Variants in SYT10 observed in about 807,000 individuals in gnomAD.
The protein encoded by SYT10 is synaptotagmin 10, also known as synaptotagmin-10.
SYT10 carries 31 observed loss-of-function variants against 51.1 expected under a neutral mutation model. That is an observed-to-expected ratio of 0.61 (90% CI 0.46 to 0.82). SYT10 has a LOEUF of 0.82. Ranked by LOEUF, SYT10 falls within the 40% of genes least tolerant of loss-of-function variation. The pLI is 0.00. For missense variants in SYT10, 603 were observed against 634.0 expected, an observed-to-expected ratio of 0.95 and a Z score of 0.53; for synonymous variants, 233 against 225.9, an observed-to-expected ratio of 1.03 and a Z score of -0.28.
At chr12:33,387,239 T>G (rs1866164591) in intron 3 of SYT10, among the ~76,000 whole-genome samples, 2 of 152,188 alleles carry the variant, frequency 1.3e-5, no homozygotes, top group South Asian at 4.1e-4. Flanking sequence ...GACCAGTAAT[T>G]CAGAGAAAAA....
At chr12:33,420,406 G>A (rs1187190979) in intron 2 of SYT10, among the ~76,000 whole-genome samples, 1 of 152,056 alleles carries the variant, frequency 6.6e-6, no homozygotes, top group Admixed American at 6.6e-5. Context: ...TAGAAGACTA[G>A]GAGGCTGAGG....
At chr12:33,384,602 T>A (rs1456049838) in intron 4 of SYT10, among the ~76,000 whole-genome samples, 2 of 152,248 alleles carry the variant, frequency 1.3e-5, no homozygotes, top group Non-Finnish European at 2.9e-5. Flanking sequence ...TGTATCTTTA[T>A]CTTTTTGTCA....
In SYT10 at chr12:33,387,747, G is replaced by GTT. The variant is rs34524429; in HGVS notation, c.1078-2458_1078-2457dup. On this transcript the variant is annotated intron_variant, in intron 3 of 6. Transcript: ENST00000228567. ...AACACCCTTCTCTTCCTTCTAACATGTTTTTTTTTTTTTTTTTTGAGACAG... is the reference window on the plus strand; with the variant it reads ...AACACCCTTCTCTTCCTTCTAACATGTTTTTTTTTTTTTTTTTTTTGAGACAG... 4.2e-3 allele frequency among the ~76,000 whole-genome samples: 516 copies of GTT among 122,648 alleles called. 15 individuals carry two copies. The highest frequency in any genetic ancestry group is 0.014 in the Middle Eastern group (3 of 222). The allele number at this position is 122,648 out of a possible 152,430, so 80.5% of individuals were successfully genotyped here. A position where few individuals can be genotyped will look rare whatever the true frequency, so the allele number is the denominator to read the frequency against.
chr12:33,399,288 C>T (rs920686294), intron 3 of SYT10, among the ~76,000 whole-genome samples: 4 of 152,196 alleles, frequency 2.6e-5, no homozygotes, highest in African/African-American at 9.7e-5. Flanking sequence ...CCCAGCAACT[C>T]TAGATTTATC....
At chr12:33,415,612 A>C (rs1174604825) in intron 2 of SYT10, among the ~76,000 whole-genome samples, 5 of 152,230 alleles carry the variant, frequency 3.3e-5, no homozygotes, top group Non-Finnish European at 7.3e-5. Context: ...TTTAAAAGAA[A>C]TTTATCTCTA....
chr12:33,413,322 A>C (rs1028744512), intron 2 of SYT10, among the ~76,000 whole-genome samples: 27 of 152,174 alleles, frequency 1.8e-4, no homozygotes, highest in Non-Finnish European at 2.9e-4. Flanking sequence ...AAATTCAGGA[A>C]ATACTGAGAA....
chr12:33,421,846 G>A (rs1297474811), intron 2 of SYT10, among the ~76,000 whole-genome samples: 2 of 152,058 alleles, frequency 1.3e-5, no homozygotes, highest in African/African-American at 4.8e-5. Context: ...AGATCTTGTA[G>A]TACATAAAAA....
In SYT10 at chr12:33,439,360, C is replaced by G; in HGVS notation, c.151+12G>C. The G allele has an allele frequency of 6.2e-7, 1 of 1,609,406 alleles. No individual in the cohort carries two copies. Among genetic ancestry groups the G allele is most frequent in the Non-Finnish European group, 8.5e-7 (1 of 1,178,016 alleles). ...CGGAGCGCGAGGACGCGAGCGGAGC[C>G]CTCCCGGTTACCTGTGCTGCTTCCG... On this transcript the variant is annotated intron_variant, in intron 1 of 6. Coordinates refer to ENST00000228567, the MANE Select transcript of SYT10 (RefSeq NM_198992.4).
Position 33,393,890 on chromosome 12 carries a change from C to T in SYT10, c.1078-8599G>A, listed in dbSNP as rs149302743. Among the ~76,000 whole-genome samples the T allele has an allele frequency of 3.1e-3, 478 of 152,228 alleles. 3 individuals carry two copies. The highest frequency in any genetic ancestry group is 0.011 in the African/African-American group (461 of 41,530). On this transcript the variant is annotated intron_variant, in intron 3 of 6. Transcript: ENST00000228567. ...TCATTCATGTGCATATTGTATATTT[C>T]CTTCATTATTATCTGTCTTCTTTTC...
chr12:33,397,019 C>A (rs534781503), intron 3 of SYT10, among the ~76,000 whole-genome samples: 1 of 152,292 alleles, frequency 6.6e-6, no homozygotes, highest in Non-Finnish European at 1.5e-5. Context: ...ACGGCTCTTT[C>A]TAACTTTCTG....
Position 33,439,379 on chromosome 12 carries a change from G to A in SYT10, c.144C>T (p.Ser48=), listed in dbSNP as rs1360653824. 1 of 1,613,320 alleles carries A rather than the reference G, an allele frequency of 6.2e-7. No homozygotes were observed. The highest frequency in any genetic ancestry group is 1.7e-5 in the Admixed American group (1 of 59,998). The change falls in exon 1 of 7, where the codon AGC becomes AGT. Residue 48 remains serine, a synonymous_variant. Transcript: ENST00000228567. ...FPRDRGSQGG[S]STDISVSLLA... Reference sequence around the variant, plus strand: ...CGGAGCCCTCCCGGTTACCTGTGCTGCTTCCGCCCTGGCTGCCCCTGTCCC... The same window carrying A: ...CGGAGCCCTCCCGGTTACCTGTGCTACTTCCGCCCTGGCTGCCCCTGTCCC...
intron 3 of SYT10, among the ~76,000 whole-genome samples, chr12:33,394,949 G>A (rs539353134): frequency 5.9e-5 from 9 of 152,234 alleles, no homozygotes; most frequent in Admixed American, 2.6e-4. Flanking sequence ...TTAGCCGGGC[G>A]TGGTGGTGGG....
rs1866083786 is a variant in SYT10, at chr12:33,378,393, C to T, written c.1500+1439G>A. ...GTCATAAAGCACCTTTCTCTCATTC[C>T]TTGAGAGTTCTTGCTCACATTATCT... On this transcript the variant is annotated intron_variant, in intron 6 of 6. Transcript: ENST00000228567. Among the ~76,000 whole-genome samples, 3 of 152,144 alleles carry T rather than the reference C, an allele frequency of 2.0e-5. No individual in the cohort carries two copies. The South Asian group carries it at 6.2e-4, about 31-fold the overall frequency.
rs769924490 is a variant in SYT10, at chr12:33,426,509, A to C, written c.152-14T>G. The C allele has an allele frequency of 1.4e-5, 21 of 1,529,800 alleles. No homozygotes were observed. The highest frequency in any genetic ancestry group is 2.8e-5 in the African/African-American group (2 of 71,150). The allele number at this position is 1,529,800 out of a possible 1,614,324, so 94.8% of individuals were successfully genotyped here. On this transcript the variant is annotated splice_polypyrimidine_tract_variant and intron_variant, in intron 1 of 6. Transcript: ENST00000228567. The stretch of plus-strand genomic sequence containing the variant: ...TGACTGAAATATCTGGAAAAATTAC[A>C]ATGTAAAAATGATTAATTAATATTG...
At chr12:33,414,154 C>A (rs71432420) in intron 2 of SYT10, among the ~76,000 whole-genome samples, 1 of 152,128 alleles carries the variant, frequency 6.6e-6, no homozygotes, top group Non-Finnish European at 1.5e-5. Context: ...TATATATGCA[C>A]CCAATACAGG....
chr12:33,425,804 A>G (rs1232617069), intron 2 of SYT10, among the ~76,000 whole-genome samples: 3 of 152,198 alleles, frequency 2.0e-5, no homozygotes, highest in African/African-American at 7.2e-5. Context: ...AGTAGCAGCT[A>G]TCAACTAATG....
intron 3 of SYT10, among the ~76,000 whole-genome samples, chr12:33,387,256 T>A (rs1372907133): frequency 1.3e-5 from 2 of 152,214 alleles, no homozygotes; most frequent in African/African-American, 4.8e-5. Context: ...AAAAACTAAT[T>A]AAATTTGTGT....
rs11052670 is a variant in SYT10, at chr12:33,385,244, C to T, written c.1125G>A (p.Pro375=). ...GEIMFSLCYL[P]TAGRMTLTVI... ...CTGTCAATGTCATACGCCCAGCCGT[C>T]GGTAGGTAACAAAGGGAAAACATGA... The change falls in exon 4 of 7, where the codon CCG becomes CCA. Residue 375 remains proline, a synonymous_variant. Transcript: ENST00000228567. 0.061 allele frequency: 98,695 copies of T among 1,613,490 alleles called. 3,451 individuals are homozygous for T. The highest frequency in any genetic ancestry group is 0.075 in the South Asian group (6,844 of 91,044).
At chr12:33,413,587 T>C (rs1866426776) in intron 2 of SYT10, among the ~76,000 whole-genome samples, 1 of 152,048 alleles carries the variant, frequency 6.6e-6, no homozygotes, top group South Asian at 2.1e-4. Context: ...CAAACTAAGC[T>C]TCATAAGTGA....
Sources: allele counts gnomAD v4.1 joint callset (sites outside exome capture counted in the v4.1 genomes callset), GRCh38; gene constraint gnomAD v4.1.1; transcripts MANE v1.5; gene names NCBI Gene and HGNC (gene_info 2026-07-23, HGNC 2026-07-21).